ELOVL7: variants seen among roughly 807,000 people sequenced by gnomAD.
The protein encoded by ELOVL7 is ELOVL fatty acid elongase 7, also known as very long chain fatty acid elongase 7.
A neutral mutation model predicts 35.7 loss-of-function variants in ELOVL7; 27 were observed. The observed-to-expected ratio is 0.76, with a 90% CI of 0.56 to 1.04. ELOVL7 has a LOEUF of 1.04. Ranked by LOEUF, ELOVL7 falls within the 50% of genes least tolerant of loss-of-function variation. The probability of loss-of-function intolerance (pLI) is 0.00; values close to 1 mark genes in which losing one functional copy is unlikely to be tolerated. For missense variants in ELOVL7, 327 were observed against 340.8 expected, an observed-to-expected ratio of 0.96 and a Z score of 0.32; for synonymous variants, 113 against 114.6, an observed-to-expected ratio of 0.99 and a Z score of 0.09.
chr5:60,839,304 A>G (rs932857164), intron 1 of ELOVL7, among the ~76,000 whole-genome samples: 1 of 152,128 alleles, frequency 6.6e-6, no homozygotes, highest in Non-Finnish European at 1.5e-5. Flanking sequence ...GCAAGATCGC[A>G]CAACTTTATT....
At chr5:60,809,516 A>T (rs1000058101) in intron 1 of ELOVL7, among the ~76,000 whole-genome samples, 5 of 152,260 alleles carry the variant, frequency 3.3e-5, no homozygotes, top group Non-Finnish European at 5.9e-5. Context: ...CACTCAGCTC[A>T]ACTGACTTCT....
intron 1 of ELOVL7, chr5:60,843,632 C>A (rs1236000028): frequency 2.0e-5 from 3 of 152,326 alleles, no homozygotes; most frequent in Non-Finnish European, 4.4e-5. Context: ...GAAAGGGGCT[C>A]CGGAATTTGG....
At chr5:60,794,641 T>C (rs936791207) in intron 2 of ELOVL7, among the ~76,000 whole-genome samples, 2 of 152,222 alleles carry the variant, frequency 1.3e-5, no homozygotes, top group African/African-American at 4.8e-5. Flanking sequence ...AAAGGAGTGG[T>C]AGAACCAGCA....
chr5:60,765,809 C>T (rs1001768807), intron 6 of ELOVL7, among the ~76,000 whole-genome samples: 2 of 152,178 alleles, frequency 1.3e-5, no homozygotes, highest in Admixed American at 6.5e-5. Context: ...AGATTTCCTA[C>T]AAGAAATATC....
At chr5:60,823,045 G>T (rs137940758) in intron 1 of ELOVL7, among the ~76,000 whole-genome samples, 3 of 152,208 alleles carry the variant, frequency 2.0e-5, no homozygotes, top group Non-Finnish European at 4.4e-5. Flanking sequence ...AAGCCTGGTG[G>T]TGAAGTCTAG....
rs201249634 is a variant in ELOVL7 at position 60,769,908 on chromosome 5, A to C, written c.255+1995T>G. ...CTACAAAAAATACAAAAAATTAGCT[A>C]GACATAGTGGCGCATGCCTGTAGTC... On this transcript the variant is annotated intron_variant, in intron 4 of 8. Coordinates refer to ENST00000508821, the MANE Select transcript of ELOVL7 (RefSeq NM_024930.3). Among the ~76,000 whole-genome samples, 12 of 152,216 alleles carry C rather than the reference A, an allele frequency of 7.9e-5. No homozygotes were observed. The East Asian group carries it at 2.3e-3, about 29-fold the overall frequency.
At chr5:60,769,114 T>C (rs1219018997) in intron 4 of ELOVL7, among the ~76,000 whole-genome samples, 1 of 152,194 alleles carries the variant, frequency 6.6e-6, no homozygotes, top group Non-Finnish European at 1.5e-5. Context: ...TATAAAATCT[T>C]GAAAATTAAG....
intron 2 of ELOVL7, among the ~76,000 whole-genome samples, chr5:60,798,534 A>G (rs1298867400): frequency 6.6e-6 from 1 of 152,222 alleles, no homozygotes; most frequent in African/African-American, 2.4e-5. Context: ...AAAAGTTTGA[A>G]ATAAAAATAA....
intron 1 of ELOVL7, among the ~76,000 whole-genome samples, chr5:60,815,959 G>A (rs1745492026): frequency 2.0e-5 from 3 of 152,274 alleles, no homozygotes; most frequent in South Asian, 2.1e-4. Flanking sequence ...GTGGAATAAC[G>A]CTAGTAATCA....
chr5:60,782,640 A>T (rs1743327291), intron 3 of ELOVL7, among the ~76,000 whole-genome samples: 1 of 152,234 alleles, frequency 6.6e-6, no homozygotes, highest in Non-Finnish European at 1.5e-5. Context: ...AGAAAATCCT[A>T]TCATTTGTGA....
intron 2 of ELOVL7, among the ~76,000 whole-genome samples, chr5:60,789,923 A>G (rs796881711): frequency 8.5e-5 from 13 of 152,292 alleles, no homozygotes; most frequent in African/African-American, 2.9e-4. Flanking sequence ...AGATCATCTG[A>G]GGTCAGGAGT....
rs1227317155 is a variant in ELOVL7, at chr5:60,837,315, T to TGGGG, written c.-86+6841_-86+6844dup. ...GGGCAGGCGTGGTAGGGCGGGGGGG[T>TGGGG]GGGGGGGGAGTGGGGGGTGGGGGTG... On this transcript the variant is annotated intron_variant, in intron 1 of 8. Transcript: ENST00000508821. Among the ~76,000 whole-genome samples the TGGGG allele has an allele frequency of 8.4e-3, 206 of 24,492 alleles. 4 individuals carry two copies. The highest frequency in any genetic ancestry group is 0.019 in the African/African-American group (111 of 5,728). 16.1% of individuals were successfully genotyped at this position (24,492 alleles called of 152,430 possible). A position where few individuals can be genotyped will look rare whatever the true frequency, so the allele number is the denominator to read the frequency against.
Position 60,754,754 on chromosome 5 carries a change from G to A in ELOVL7, c.716C>T (p.Ala239Val), listed in dbSNP as rs114998585. Residue 239 changes from alanine (A) to valine (V), a missense_variant, in exon 9 of 9, where the codon GCG (alanine) becomes GTG (valine). Transcript: ENST00000508821. ...EDCKYQFPVFACIIMSYSFMF... is the reference protein window; with the variant it reads ...EDCKYQFPVFVCIIMSYSFMF... ...GAAACTGTAACTCATAATGATGCAC[G>A]CAAAGACTGGAAACTGATACTTGCA... 1,599 of 1,614,058 alleles carry A rather than the reference G, an allele frequency of 9.9e-4. 26 individuals are homozygous for A. The South Asian group carries it at 0.016, about 17-fold the overall frequency.
At chr5:60,829,153 T>C (rs896977030) in intron 1 of ELOVL7, among the ~76,000 whole-genome samples, 1 of 148,030 alleles carries the variant, frequency 6.8e-6, no homozygotes. Context: ...GTTTATATTT[T>C]ATGTTTAGAG....
intron 7 of ELOVL7, among the ~76,000 whole-genome samples, chr5:60,760,863 T>C (rs1741868402): frequency 6.6e-6 from 1 of 152,116 alleles, no homozygotes; most frequent in South Asian, 2.1e-4. Flanking sequence ...TATTTTCTAT[T>C]TGGATATTTT....
intron 3 of ELOVL7, among the ~76,000 whole-genome samples, chr5:60,783,707 A>T (rs528277777): frequency 3.3e-5 from 5 of 152,342 alleles, no homozygotes; most frequent in African/African-American, 9.6e-5. Flanking sequence ...CTATTTGAAA[A>T]GCAATGAAAA....
intron 1 of ELOVL7, among the ~76,000 whole-genome samples, chr5:60,809,317 C>T (rs1353306441): frequency 6.6e-6 from 1 of 152,160 alleles, no homozygotes; most frequent in Non-Finnish European, 1.5e-5. Context: ...TAAACTTCTA[C>T]AGTATAATAC....
In ELOVL7 at chr5:60,754,585, G is replaced by A; in HGVS notation, c.*39C>T. 1 of 1,548,356 alleles carries A rather than the reference G, an allele frequency of 6.5e-7. No homozygotes were observed. On this transcript the variant is annotated 3_prime_UTR_variant, in exon 9 of 9. Coordinates refer to ENST00000508821, the MANE Select transcript of ELOVL7 (RefSeq NM_024930.3). ...TAAATATCTCTTGATTGTCAAGGAA[G>A]ACAATGTATCAGTTTCGATCATAGA...
intron 2 of ELOVL7, among the ~76,000 whole-genome samples, chr5:60,795,309 G>C (rs952927916): frequency 6.6e-6 from 1 of 152,100 alleles, no homozygotes; most frequent in African/African-American, 2.4e-5. Context: ...TGACTGCACC[G>C]GCCTTTAAAC....
Sources: allele counts gnomAD v4.1 joint callset (sites outside exome capture counted in the v4.1 genomes callset), GRCh38; gene constraint gnomAD v4.1.1; transcripts MANE v1.5; gene names NCBI Gene and HGNC (gene_info 2026-07-23, HGNC 2026-07-21).